Variants in IMMP2L observed in about 807,000 individuals in gnomAD.
IMMP2L encodes the protein mitochondrial inner membrane protease subunit 2.
Under a neutral mutation model 19.3 loss-of-function variants are expected in IMMP2L, and 18 were observed. The observed-to-expected ratio is 0.93, with a 90% CI of 0.64 to 1.38. IMMP2L has a LOEUF of 1.38. Ranked by LOEUF, IMMP2L falls within the 40% of genes most tolerant of loss-of-function variation. The pLI, the probability that IMMP2L is intolerant of heterozygous loss-of-function variation, is 0.00. For synonymous variants in IMMP2L, 76 were observed against 73.0 expected, an observed-to-expected ratio of 1.04 and a Z score of -0.21; for missense variants, 233 against 218.2, an observed-to-expected ratio of 1.07 and a Z score of -0.43.
At chr7:111,323,586 T>C (rs1222929049) in intron 3 of IMMP2L, among the ~76,000 whole-genome samples, 1 of 152,120 alleles carries the variant, frequency 6.6e-6, no homozygotes, top group Non-Finnish European at 1.5e-5. Context: ...AGTGTGGCGA[T>C]TCCTCAGGGA....
chr7:111,235,463 C>T (rs986112173), intron 3 of IMMP2L, among the ~76,000 whole-genome samples: 6 of 149,970 alleles, frequency 4.0e-5, no homozygotes, highest in African/African-American at 1.5e-4. Flanking sequence ...AAGAGCGAAA[C>T]TCCGTCTAAA....
intron 3 of IMMP2L, among the ~76,000 whole-genome samples, chr7:111,282,432 A>C (rs1353950070): frequency 6.6e-6 from 1 of 152,204 alleles, no homozygotes; most frequent in East Asian, 1.9e-4. Context: ...TTGTAATGAT[A>C]AAAGAGCCAA....
At chr7:110,917,330 G>A (rs747456609) in intron 4 of IMMP2L, among the ~76,000 whole-genome samples, 23 of 152,136 alleles carry the variant, frequency 1.5e-4, no homozygotes, top group Admixed American at 1.0e-3. Context: ...AATTTGTTAC[G>A]ACAGCCTCAG....
intron 3 of IMMP2L, among the ~76,000 whole-genome samples, chr7:111,256,771 A>G (rs372662137): frequency 1.3e-5 from 2 of 152,092 alleles, no homozygotes; most frequent in South Asian, 2.1e-4. Context: ...GAACTGACAC[A>G]TTAAATTATC....
rs372600151 is a variant in IMMP2L, at chr7:111,290,723, C to A, written c.239+196515G>T. ...TCTATTGCAAATTGAACTTTTGACC[C>A]TGTATAAATCCCCTTTTTGTGCTTC... On this transcript the variant is annotated intron_variant, in intron 3 of 5. Coordinates refer to ENST00000405709, the MANE Select transcript of IMMP2L (RefSeq NM_032549.4). Among the ~76,000 whole-genome samples, 30 of 151,946 alleles carry A rather than the reference C, an allele frequency of 2.0e-4. 1 individual carries two copies. Among genetic ancestry groups the A allele is most frequent in the East Asian group, 1.9e-3 (10 of 5,158 alleles).
intron 4 of IMMP2L, among the ~76,000 whole-genome samples, chr7:110,919,896 T>C (rs1351947046): frequency 1.3e-5 from 2 of 152,144 alleles, no homozygotes; most frequent in African/African-American, 4.8e-5. Flanking sequence ...GGCTGGGTAC[T>C]ACGTAAATTG....
intron 5 of IMMP2L, among the ~76,000 whole-genome samples, chr7:110,823,444 A>T (rs924651338): frequency 2.0e-5 from 3 of 151,958 alleles, no homozygotes; most frequent in African/African-American, 4.8e-5. Context: ...AGTAATTTTT[A>T]AAAATTATAT....
At chr7:110,814,336 T>C (rs1168568731) in intron 5 of IMMP2L, among the ~76,000 whole-genome samples, 1 of 151,822 alleles carries the variant, frequency 6.6e-6, no homozygotes, top group East Asian at 1.9e-4. Context: ...GGAACCTACA[T>C]AATTTTATTA....
chr7:111,441,188 C>T (rs984037018), intron 3 of IMMP2L, among the ~76,000 whole-genome samples: 2 of 151,856 alleles, frequency 1.3e-5, no homozygotes, highest in African/African-American at 4.9e-5. Flanking sequence ...TCACTTCATT[C>T]AAATACTTTT....
intron 3 of IMMP2L, among the ~76,000 whole-genome samples, chr7:111,469,461 G>C (rs568391796): frequency 2.2e-4 from 34 of 152,104 alleles, no homozygotes; most frequent in African/African-American, 8.0e-4. Flanking sequence ...TCCTTGAACA[G>C]GTCCTTCATG....
At chr7:110,963,769 GA>G (rs991202285) in intron 3 of IMMP2L, among the ~76,000 whole-genome samples, 21 of 151,852 alleles carry the variant, frequency 1.4e-4, no homozygotes, top group African/African-American at 3.1e-4. Context: ...CTCTGGGGGG[GA>G]AAAAAGCCAT....
In IMMP2L at chr7:111,037,288, G is replaced by A. The variant is rs561932358; in HGVS notation, c.240-73723C>T. Among the ~76,000 whole-genome samples the A allele has an allele frequency of 4.6e-5, 7 of 152,236 alleles. No homozygotes were observed. The South Asian group carries it at 1.0e-3, about 23-fold the overall frequency. On this transcript the variant is annotated intron_variant, in intron 3 of 5. Coordinates refer to ENST00000405709, the MANE Select transcript of IMMP2L (RefSeq NM_032549.4). ...AGGTCTAAAGGTTTTCAAGGCAGCTGTAAACATATACAATTTCTCAAGTGG... is the reference window on the plus strand; with the variant it reads ...AGGTCTAAAGGTTTTCAAGGCAGCTATAAACATATACAATTTCTCAAGTGG...
intron 5 of IMMP2L, among the ~76,000 whole-genome samples, chr7:110,750,350 A>G (rs1797644858): frequency 6.6e-6 from 1 of 152,108 alleles, no homozygotes; most frequent in Non-Finnish European, 1.5e-5. Context: ...TCAAGGGCAG[A>G]TTCTAAAAGA....
chr7:110,850,504 A>G (rs1806091631), intron 5 of IMMP2L, among the ~76,000 whole-genome samples: 1 of 152,100 alleles, frequency 6.6e-6, no homozygotes, highest in African/African-American at 2.4e-5. Flanking sequence ...GAGCCCATAC[A>G]TTGACTCTGG....
chr7:111,473,675 G>A (rs1367558353), intron 3 of IMMP2L, among the ~76,000 whole-genome samples: 1 of 152,094 alleles, frequency 6.6e-6, no homozygotes, highest in African/African-American at 2.4e-5. Flanking sequence ...AACATCTGTG[G>A]TAGATTCAAT....
At chr7:111,444,337 T>C (rs1838072707) in intron 3 of IMMP2L, among the ~76,000 whole-genome samples, 1 of 152,166 alleles carries the variant, frequency 6.6e-6, no homozygotes, top group Non-Finnish European at 1.5e-5. Context: ...GCACAGTGGC[T>C]AAGGCTCTTT....
intron 3 of IMMP2L, chr7:111,393,021 A>G (rs1449776784): frequency 1.2e-5 from 4 of 339,942 alleles, no homozygotes; most frequent in Non-Finnish European, 2.3e-5. Context: ...TATTCATTAA[A>G]TCACTGGCCA....
chr7:110,685,596 A>AT (rs1198959484), intron 5 of IMMP2L, among the ~76,000 whole-genome samples: 2 of 152,130 alleles, frequency 1.3e-5, no homozygotes, highest in Admixed American at 6.6e-5. Flanking sequence ...TTAGCTGGTG[A>AT]TACTAGTTTA....
At chr7:110,734,128 G>C (rs566593002) in intron 5 of IMMP2L, among the ~76,000 whole-genome samples, 2 of 152,304 alleles carry the variant, frequency 1.3e-5, no homozygotes, top group East Asian at 3.9e-4. Flanking sequence ...GAATTTTAAA[G>C]TGCATTGCCA....
Sources: gnomAD v4.1 joint callset for allele counts (sites outside exome capture counted in the v4.1 genomes callset) on GRCh38, gnomAD v4.1.1 for gene constraint, MANE v1.5 for transcripts, NCBI Gene and HGNC (gene_info 2026-07-23, HGNC 2026-07-21) for gene names.